The following KCMF1 variants were observed in gnomAD, a reference collection of about 807,000 sequenced individuals.
KCMF1 encodes potassium channel modulatory factor 1.
KCMF1 carries 3 observed loss-of-function variants against 41.1 expected under a neutral mutation model. The observed-to-expected ratio is 0.07, with a 90% confidence interval of 0.03 to 0.19. The LOEUF (loss-of-function observed/expected upper bound fraction) is 0.19, where lower values mean the gene tolerates loss of function less well. Ranked by LOEUF, KCMF1 falls within the 10% of genes least tolerant of loss-of-function variation. The pLI, the probability that KCMF1 is intolerant of heterozygous loss-of-function variation, is 1.00. For missense variants in KCMF1, 286 were observed against 488.9 expected (o/e 0.58, Z 3.91); for synonymous variants, 142 against 164.5 (o/e 0.86, Z 1.04).
At position 85,055,413 on chromosome 2, in the gene KCMF1, C is replaced by G. The variant is rs967029068; in HGVS notation, c.*2004C>G. The G allele has an allele frequency of 6.6e-6, 1 of 152,050 alleles. No individual in the cohort carries two copies. Among genetic ancestry groups the G allele is most frequent in the Non-Finnish European group, 1.5e-5 (1 of 68,006 alleles). 9.4% of individuals were successfully genotyped at this position (152,050 alleles called of 1,614,324 possible). ...AATAAATGCCAATTATATGTACTTT[C>G]CCTTTTCTGCACAAATTCTGGGAAA... is the stretch of plus-strand genomic sequence containing the variant. On this transcript the variant is annotated 3_prime_UTR_variant, in exon 7 of 7. Transcript: ENST00000409785.
intron 5 of KCMF1, among the ~76,000 whole-genome samples, chr2:85,046,953 G>T (rs775478951): frequency 1.4e-4 from 22 of 152,036 alleles, no homozygotes; most frequent in Non-Finnish European, 2.2e-4. Context: ...ACTCTATTTT[G>T]TTGGGAATCT....
At chr2:85,022,981 G>C (rs1441022479) in intron 1 of KCMF1, among the ~76,000 whole-genome samples, 1 of 145,108 alleles carries the variant, frequency 6.9e-6, no homozygotes, top group Non-Finnish European at 1.5e-5. Context: ...TCCGCCTCCT[G>C]GGTTCACGCC....
At chr2:85,009,567 C>T (rs1237521137) in intron 1 of KCMF1, among the ~76,000 whole-genome samples, 1 of 152,118 alleles carries the variant, frequency 6.6e-6, no homozygotes, top group Non-Finnish European at 1.5e-5. Flanking sequence ...GTTATTTCCT[C>T]CCTTCCATTT....
intron 1 of KCMF1, among the ~76,000 whole-genome samples, chr2:84,979,188 G>T (rs1168252836): frequency 6.6e-6 from 1 of 152,130 alleles, no homozygotes; most frequent in Non-Finnish European, 1.5e-5. Context: ...AAAGTTTTTA[G>T]TGAAGGCTAA....
rs111793211 is a variant in KCMF1, at chr2:84,979,104, C to T, written c.16+7637C>T. Reference sequence around the variant, plus strand: ...CTCAAGTGATTCCCCCTTCTGCCTCCCAAAGTGCTGGGATTACAGGTGTGA... The same window carrying T: ...CTCAAGTGATTCCCCCTTCTGCCTCTCAAAGTGCTGGGATTACAGGTGTGA... On this transcript the variant is annotated intron_variant, in intron 1 of 6. Coordinates refer to ENST00000409785, the MANE Select transcript of KCMF1 (RefSeq NM_020122.5). 3.4e-3 allele frequency among the ~76,000 whole-genome samples: 522 copies of T among 152,282 alleles called. 2 individuals carry two copies. Among genetic ancestry groups the T allele is most frequent in the African/African-American group, 0.012 (499 of 41,550 alleles).
At chr2:84,993,959 T>C (rs1674112429) in intron 1 of KCMF1, among the ~76,000 whole-genome samples, 1 of 115,360 alleles carries the variant, frequency 8.7e-6, no homozygotes, top group Non-Finnish European at 1.8e-5. Context: ...TTTGTTTTGT[T>C]TTGTTTGAGA....
At chr2:84,993,469 C>T (rs1370046356) in intron 1 of KCMF1, among the ~76,000 whole-genome samples, 2 of 152,092 alleles carry the variant, frequency 1.3e-5, no homozygotes, top group Non-Finnish European at 2.9e-5. Flanking sequence ...GAGATTAACA[C>T]ATAGTTGATG....
intron 1 of KCMF1, among the ~76,000 whole-genome samples, chr2:85,011,754 A>T (rs1284129294): frequency 1.3e-5 from 2 of 152,038 alleles, no homozygotes; most frequent in African/African-American, 2.4e-5. Context: ...CTGCTAAGGG[A>T]TTCTGAATAA....
At chr2:85,034,045 A>G (rs1216955939) in intron 2 of KCMF1, among the ~76,000 whole-genome samples, 1 of 150,696 alleles carries the variant, frequency 6.6e-6, no homozygotes, top group Non-Finnish European at 1.5e-5. Context: ...TTTTTTTTTT[A>G]ATTAGCCGGA....
chr2:85,046,408 T>C (rs752222423), intron 5 of KCMF1, 130 bp downstream of exon 5: 31 of 628,432 alleles, frequency 4.9e-5, no homozygotes, highest in Non-Finnish European at 6.7e-5. Flanking sequence ...AGCGGGTGGA[T>C]CACTTGAGGC....
chr2:84,999,206 A>G (rs1674268844), intron 1 of KCMF1, among the ~76,000 whole-genome samples: 1 of 152,006 alleles, frequency 6.6e-6, no homozygotes, highest in Admixed American at 6.6e-5. Flanking sequence ...GCTGGAGTGC[A>G]GTGGCGTGAT....
chr2:84,989,230 T>C (rs1191518864), intron 1 of KCMF1, among the ~76,000 whole-genome samples: 1 of 152,078 alleles, frequency 6.6e-6, no homozygotes, highest in East Asian at 1.9e-4. Flanking sequence ...TACAGTGTAG[T>C]AAGAACTGTA....
intron 1 of KCMF1, among the ~76,000 whole-genome samples, chr2:84,999,266 T>C (rs889034241): frequency 2.6e-5 from 4 of 152,100 alleles, no homozygotes; most frequent in African/African-American, 4.8e-5. Flanking sequence ...TTCTTCTGCC[T>C]CAGCCTCCCA....
At position 84,971,465 on chromosome 2, in the gene KCMF1, A is replaced by G; in HGVS notation, c.14A>G (p.Glu5Gly). The change falls in exon 1 of 7, where the codon GAA becomes GGA. Residue 5 changes from glutamate (E) to glycine (G), a missense_variant and splice_region_variant. Around this residue, in one of 2 missense-constraint regions of KCMF1, gnomAD observed 95 missense variants for 209.6 expected, o/e 0.45. Transcript: ENST00000409785. MSRH[E>G]GVSCDACLKG... ...GTCTGAACTAGGATGTCCCGACATG[A>G]AGGTGAGAGGAGCCCCCGCCCCCAC... 7.8e-7 allele frequency: 1 copy of G among 1,282,288 alleles called. No homozygotes were observed. Among genetic ancestry groups the G allele is most frequent in the Non-Finnish European group, 1.0e-6 (1 of 991,664 alleles). The allele number at this position is 1,282,288 out of a possible 1,614,324, so 79.4% of individuals were successfully genotyped here. A position where few individuals can be genotyped will look rare whatever the true frequency, so the allele number is the denominator to read the frequency against.
chr2:85,001,287 A>G (rs1674320779), intron 1 of KCMF1, among the ~76,000 whole-genome samples: 1 of 151,646 alleles, frequency 6.6e-6, no homozygotes, highest in Admixed American at 6.6e-5. Context: ...CCTCCTGAGT[A>G]GCTGTGACTA....
At chr2:85,023,676 A>G (rs904049876) in intron 1 of KCMF1, among the ~76,000 whole-genome samples, 3 of 152,158 alleles carry the variant, frequency 2.0e-5, no homozygotes, top group African/African-American at 4.8e-5. Flanking sequence ...ATTCTTCCAC[A>G]TTCTCTAGGT....
intron 2 of KCMF1, among the ~76,000 whole-genome samples, chr2:85,030,291 G>T (rs566159214): frequency 7.6e-4 from 115 of 151,612 alleles, no homozygotes; most frequent in Non-Finnish European, 1.5e-3. Context: ...TGTGGGTTGT[G>T]TTTTCACTTT....
chr2:85,015,985 C>T (rs746685822), intron 1 of KCMF1, among the ~76,000 whole-genome samples: 6 of 152,032 alleles, frequency 3.9e-5, no homozygotes, highest in Admixed American at 6.6e-5. Context: ...GGTGGATGCT[C>T]CTTGTTGTTA....
At chr2:84,977,808 A>G (rs189251040) in intron 1 of KCMF1, among the ~76,000 whole-genome samples, 1 of 152,282 alleles carries the variant, frequency 6.6e-6, no homozygotes, top group Non-Finnish European at 1.5e-5. Context: ...GGGAAAATGA[A>G]TCACATTTTA....
Sources: allele counts gnomAD v4.1 joint callset (sites outside exome capture counted in the v4.1 genomes callset), GRCh38; gene constraint gnomAD v4.1.1; regional missense constraint gnomAD v4.1.1; transcripts MANE v1.5; gene names NCBI Gene and HGNC (gene_info 2026-07-23, HGNC 2026-07-21).